The following ZC4H2 variants were observed in gnomAD, a reference collection of about 807,000 sequenced individuals.
ZC4H2 encodes zinc finger C4H2-type containing.
For missense variants in ZC4H2, 137 were observed against 173.9 expected, an observed-to-expected ratio of 0.79 and a Z score of 1.19; for synonymous variants, 84 against 66.3, an observed-to-expected ratio of 1.27 and a Z score of -1.30.
chrX:65,000,614 A>C (rs781062123), intron 1 of ZC4H2, among the ~76,000 whole-genome samples: 3 of 112,034 alleles, frequency 2.7e-5, no homozygotes, highest in Non-Finnish European at 5.6e-5. Context: ...TAGGCTTCAG[A>C]AGGTGGGTAA....
At chrX:64,956,153 T>C (rs751106492) in intron 1 of ZC4H2, among the ~76,000 whole-genome samples, 3 of 111,944 alleles carry the variant, frequency 2.7e-5, no homozygotes, top group Non-Finnish European at 5.6e-5. Flanking sequence ...AATGGAAAAA[T>C]ATCTGTGCAG....
rs1931199278 is a variant in ZC4H2 at position 64,957,446 on chromosome X, C to G, written c.53+18879G>C. 2.7e-5 allele frequency among the ~76,000 whole-genome samples: 3 copies of G among 112,337 alleles called. No individual in the cohort carries two copies. In the Admixed American group the frequency reaches 2.8e-4, roughly 11 times the overall value. ...TTTTGCAATAATACTTAGCTTGACA[C>G]AAAAACATACTGTACAGCTGTACAA... On this transcript the variant is annotated intron_variant, in intron 1 of 4. Transcript: ENST00000374839.
chrX:64,952,374 C>A (rs1284899863), intron 1 of ZC4H2, among the ~76,000 whole-genome samples: 1 of 109,709 alleles, frequency 9.1e-6, no homozygotes, highest in East Asian at 2.9e-4. Context: ...GGCATTGAAT[C>A]TATAAATTAC....
chrX:64,989,295 T>G (rs1174060810), intron 1 of ZC4H2, among the ~76,000 whole-genome samples: 1 of 112,077 alleles, frequency 8.9e-6, no homozygotes, highest in Non-Finnish European at 1.9e-5. Context: ...AATGAATCTA[T>G]AAATTACCTT....
At chrX:64,919,382 G>C (rs878920691) in intron 3 of ZC4H2, 178 bp from the exon 4 acceptor site, 3 of 468,958 alleles carry the variant, frequency 6.4e-6, no homozygotes, top group Non-Finnish European at 1.0e-5. Context: ...CTGATGAGAA[G>C]GGTAATCCTC....
intron 1 of ZC4H2, among the ~76,000 whole-genome samples, chrX:64,942,986 G>A (rs892046267): frequency 1.4e-4 from 16 of 112,067 alleles, no homozygotes; most frequent in African/African-American, 3.2e-4. Flanking sequence ...CCTCTACTGC[G>A]TCTTTTGTTT....
intron 1 of ZC4H2, among the ~76,000 whole-genome samples, chrX:65,023,989 A>G (rs779161613): frequency 9.0e-6 from 1 of 111,421 alleles, no homozygotes; most frequent in East Asian, 2.8e-4. Flanking sequence ...CATCATTCTC[A>G]GCAAACTAAC....
intron 3 of ZC4H2, chrX:64,919,811 G>T (rs762697599): frequency 3.2e-6 from 1 of 308,413 alleles, no homozygotes; most frequent in Non-Finnish European, 5.6e-6. Flanking sequence ...ATCACACAAA[G>T]AATTTAAAAA....
At chrX:64,947,428 G>A (rs185357017) in intron 1 of ZC4H2, among the ~76,000 whole-genome samples, 47 of 111,864 alleles carry the variant, frequency 4.2e-4, no homozygotes, top group African/African-American at 1.5e-3. Flanking sequence ...GTATGTTGAA[G>A]ACTCCAGCTA....
intron 1 of ZC4H2, among the ~76,000 whole-genome samples, chrX:64,981,518 G>A (rs952134589): frequency 2.7e-5 from 3 of 110,762 alleles, no homozygotes; most frequent in Non-Finnish European, 3.8e-5. Context: ...GGAGAGGTAC[G>A]GAGGGCGAGA....
intron 1 of ZC4H2, among the ~76,000 whole-genome samples, chrX:64,967,515 G>C (rs1156798879): frequency 4.5e-5 from 5 of 111,913 alleles, no homozygotes; most frequent in Non-Finnish European, 9.4e-5. Flanking sequence ...ATCCAATATA[G>C]AAAATGGAAC....
intron 1 of ZC4H2, among the ~76,000 whole-genome samples, chrX:65,001,393 C>T (rs1340913241): frequency 8.9e-6 from 1 of 111,930 alleles, no homozygotes; most frequent in African/African-American, 3.3e-5. Flanking sequence ...ACAAGCAGTG[C>T]TGAGAGATTT....
chrX:65,006,624 G>A (rs970498067), intron 1 of ZC4H2, among the ~76,000 whole-genome samples: 1 of 110,287 alleles, frequency 9.1e-6, no homozygotes, highest in African/African-American at 3.3e-5. Flanking sequence ...CAAGTTAATG[G>A]GTGCAGCACA....
At chrX:64,953,460 G>C (rs1431642890) in intron 1 of ZC4H2, among the ~76,000 whole-genome samples, 2 of 111,626 alleles carry the variant, frequency 1.8e-5, no homozygotes, top group East Asian at 2.8e-4. Context: ...GCAAAGAACT[G>C]AAACAAATTT....
chrX:64,919,311 T>A, intron 3 of ZC4H2, 107 bp from the exon 4 acceptor site: 1 of 930,884 alleles, frequency 1.1e-6, no homozygotes, highest in East Asian at 3.2e-5. Context: ...TGGCTCATTC[T>A]AGAAGGTCCC....
intron 1 of ZC4H2, among the ~76,000 whole-genome samples, chrX:64,962,805 G>T (rs1206889045): frequency 9.0e-6 from 1 of 111,011 alleles, no homozygotes; most frequent in Non-Finnish European, 1.9e-5. Context: ...GCACCAAAAA[G>T]AACAAAATAC....
At chrX:64,997,487 T>C (rs145539198) in intron 1 of ZC4H2, among the ~76,000 whole-genome samples, 23 of 112,951 alleles carry the variant, frequency 2.0e-4, no homozygotes, top group Admixed American at 6.5e-4. Flanking sequence ...AACACTTCTT[T>C]TTATTTTCTA....
At chrX:64,943,850 A>T (rs188851267) in intron 1 of ZC4H2, among the ~76,000 whole-genome samples, 12 of 111,535 alleles carry the variant, frequency 1.1e-4, no homozygotes, top group African/African-American at 2.3e-4. Context: ...TAATATTGTT[A>T]TGAGTGAATC....
chrX:64,955,960 C>A (rs1413534594), intron 1 of ZC4H2, among the ~76,000 whole-genome samples: 1 of 111,567 alleles, frequency 9.0e-6, no homozygotes, highest in Non-Finnish European at 1.9e-5. Context: ...ATGAGGAGGC[C>A]TTTACTCTTC....
Sources: gnomAD v4.1 joint callset for allele counts (sites outside exome capture counted in the v4.1 genomes callset) on GRCh38, gnomAD v4.1.1 for gene constraint, MANE v1.5 for transcripts, NCBI Gene and HGNC (gene_info 2026-07-23, HGNC 2026-07-21) for gene names.